Variants in SLC2A9 observed in about 807,000 individuals in gnomAD.
SLC2A9 encodes the protein solute carrier family 2, facilitated glucose transporter member 9.
Under a neutral mutation model 50.6 loss-of-function variants are expected in SLC2A9, and 39 were observed. The observed-to-expected ratio is 0.77, with a 90% CI of 0.60 to 1.01. SLC2A9 has a LOEUF of 1.01. SLC2A9 is among the 50% of genes least tolerant of loss of function. SLC2A9 has a pLI of 0.00. For missense variants in SLC2A9, 686 were observed against 677.6 expected, an observed-to-expected ratio of 1.01 and a Z score of -0.14; for synonymous variants, 324 against 276.9, an observed-to-expected ratio of 1.17 and a Z score of -1.69.
At chr4:9,943,607 C>G (rs888501764) in intron 5 of SLC2A9, among the ~76,000 whole-genome samples, 4 of 152,122 alleles carry the variant, frequency 2.6e-5, no homozygotes, top group African/African-American at 9.7e-5. Flanking sequence ...CGTGAAGATA[C>G]CAAAACCCAC....
chr4:9,887,219 A>G (rs62293298), intron 10 of SLC2A9, among the ~76,000 whole-genome samples: 17,345 of 152,244 alleles, frequency 0.11, 1,132 homozygotes, highest in African/African-American at 0.15. Flanking sequence ...ATCTTTCACC[A>G]TAGACGGTAA....
intron 5 of SLC2A9, among the ~76,000 whole-genome samples, chr4:9,946,222 C>T (rs1480596623): frequency 7.7e-6 from 1 of 129,250 alleles, no homozygotes; most frequent in Non-Finnish European, 1.6e-5. Flanking sequence ...TCAGGTCAGG[C>T]GAATGGGCTT....
rs777980943 is a variant in SLC2A9, at chr4:9,941,964, T to G, written c.763A>C (p.Ser255Arg). 1 of 1,614,056 alleles carries G rather than the reference T, an allele frequency of 6.2e-7. No individual in the cohort carries two copies. The highest frequency in any genetic ancestry group is 8.5e-7 in the Non-Finnish European group (1 of 1,180,030). Residue 255 changes from serine to arginine, a missense_variant, in exon 6 of 12, where the codon AGC becomes CGC. Transcript: ENST00000264784. ...TTCTCCAAGAGCAGGTAGCGTGGGCTGTCCGGGAGAAAGGGAAGGCTCAGC... is the reference window on the plus strand; with the variant it reads ...TTCTCCAAGAGCAGGTAGCGTGGGCGGTCCGGGAGAAAGGGAAGGCTCAGC... Reference protein sequence around the residue: ...QLLSLPFLPDSPRYLLLEKHN... With the variant: ...QLLSLPFLPDRPRYLLLEKHN...
intron 8 of SLC2A9, among the ~76,000 whole-genome samples, chr4:9,904,381 TG>T (rs1740242992): frequency 6.6e-6 from 1 of 152,296 alleles, no homozygotes; most frequent in East Asian, 1.9e-4. Context: ...AAGCTGGCAA[TG>T]GCGTCACTCC....
intron 5 of SLC2A9, among the ~76,000 whole-genome samples, chr4:9,974,428 A>G (rs1246551970): frequency 3.3e-5 from 5 of 152,160 alleles, no homozygotes; most frequent in African/African-American, 1.2e-4. Context: ...AGGATACAAA[A>G]TCAGTGTACA....
At chr4:9,944,666 C>T (rs146017173) in intron 5 of SLC2A9, among the ~76,000 whole-genome samples, 1,842 of 152,220 alleles carry the variant, frequency 0.012, 20 homozygotes, top group South Asian at 0.024. Flanking sequence ...AGGTGAGGGT[C>T]GGGAGTGTCC....
chr4:10,021,456 C>T lies in SLC2A9; in HGVS notation c.-27G>A, dbSNP rs1560504137. On this transcript the variant is annotated 5_prime_UTR_variant, in exon 1 of 12. It removes the in-frame stop codon of an upstream open reading frame in the 5' UTR. Transcript: ENST00000264784. The stretch of plus-strand genomic sequence containing the variant: ...GGTCTCAGTGACCCAGCTGATGGCT[C>T]AGTCCAGGGACCCCAGACTCTGCCA... 6.2e-7 allele frequency: 1 copy of T among 1,613,934 alleles called. No individual in the cohort carries two copies. Among genetic ancestry groups the T allele is most frequent in the East Asian group, 2.2e-5 (1 of 44,878 alleles).
chr4:9,993,536 T>G (rs376398865), intron 3 of SLC2A9, among the ~76,000 whole-genome samples: 21 of 152,290 alleles, frequency 1.4e-4, no homozygotes, highest in African/African-American at 5.1e-4. Flanking sequence ...TATCTTCATG[T>G]CATCGTGAAC....
intron 8 of SLC2A9, among the ~76,000 whole-genome samples, chr4:9,902,571 A>C (rs368911202): frequency 4.5e-4 from 69 of 152,356 alleles, no homozygotes; most frequent in Middle Eastern, 6.8e-3. Flanking sequence ...CTGGAAGTCC[A>C]AGATCAAAGT....
In SLC2A9 at chr4:9,875,744, C is replaced by T. The variant is rs1429494145; in HGVS notation, c.1291+11823G>A. Among the ~76,000 whole-genome samples the T allele has an allele frequency of 3.3e-5, 5 of 152,326 alleles. No homozygotes were observed. The East Asian group carries it at 9.6e-4, about 29-fold the overall frequency. On this transcript the variant is annotated intron_variant, in intron 10 of 11. Transcript: ENST00000264784. ...TCCCCTTTTCCCCCCAGTGACAAAG[C>T]CAATGACTACTTCTTCCTCTTCTTT...
rs1718495352 is a variant in SLC2A9 at position 9,782,114 on chromosome 4, G to A, written n.386-2049C>T. The A allele has an allele frequency of 1.9e-6, 3 of 1,547,050 alleles. No individual in the cohort carries two copies. In the South Asian group the frequency reaches 3.7e-5, roughly 19 times the overall value. ...GCTGGCGCAGGGGAACGCCGTGGGG[G>A]GCTCGGCGGGGGCACCGCCACTGGG... On this transcript the variant is annotated intron_variant and non_coding_transcript_variant, in intron 3 of 3. Coordinates refer to the SLC2A9 transcript ENST00000503803.
chr4:9,986,720 C>T (rs1346402799), intron 3 of SLC2A9, among the ~76,000 whole-genome samples: 1 of 152,076 alleles, frequency 6.6e-6, no homozygotes, highest in Non-Finnish European at 1.5e-5. Flanking sequence ...CTGGACTAAT[C>T]CTCTCAAACA....
chr4:9,949,115 T>A (rs555099980), intron 5 of SLC2A9, among the ~76,000 whole-genome samples: 26 of 152,352 alleles, frequency 1.7e-4, no homozygotes, highest in African/African-American at 6.3e-4. Context: ...GACTTCTCTA[T>A]CTGGTACCAA....
At chr4:9,944,525 C>T (rs1233853912) in intron 5 of SLC2A9, among the ~76,000 whole-genome samples, 1 of 152,164 alleles carries the variant, frequency 6.6e-6, no homozygotes, top group Non-Finnish European at 1.5e-5. Flanking sequence ...TTCTTTCTAC[C>T]TCTGGAGAAA....
downstream of SLC2A9, among the ~76,000 whole-genome samples, chr4:9,778,269 C>T (rs1420965603): frequency 1.3e-5 from 2 of 151,956 alleles, no homozygotes; most frequent in African/African-American, 4.8e-5. Context: ...ACAGACACAT[C>T]CCACCACGCC....
At chr4:9,867,324 G>C (rs1341593111) in intron 10 of SLC2A9, among the ~76,000 whole-genome samples, 1 of 152,170 alleles carries the variant, frequency 6.6e-6, no homozygotes, top group Non-Finnish European at 1.5e-5. Context: ...AACCCAGCCT[G>C]CACTCTCTGC....
intron 5 of SLC2A9, among the ~76,000 whole-genome samples, chr4:9,971,795 A>G (rs535567103): frequency 2.0e-5 from 3 of 152,370 alleles, no homozygotes; most frequent in Admixed American, 6.5e-5. Context: ...CATGAAAGGA[A>G]GATTCTCATA....
intron 6 of SLC2A9, among the ~76,000 whole-genome samples, chr4:9,934,750 T>TGTCGTCTAG (rs1478540488): frequency 6.6e-6 from 1 of 152,220 alleles, no homozygotes; most frequent in Admixed American, 6.5e-5. Context: ...CCTATCAACC[T>TGTCGTCTAG]GTCGTCTAGG....
intron 2 of SLC2A9, among the ~76,000 whole-genome samples, chr4:10,005,225 G>A (rs1474819967): frequency 6.6e-6 from 1 of 152,244 alleles, no homozygotes; most frequent in Non-Finnish European, 1.5e-5. Context: ...AGTCAAGCAA[G>A]CAAGAAGGGC....
Sources: allele counts gnomAD v4.1 joint callset (sites outside exome capture counted in the v4.1 genomes callset), GRCh38; gene constraint gnomAD v4.1.1; transcripts MANE v1.5; gene names NCBI Gene and HGNC (gene_info 2026-07-23, HGNC 2026-07-21).